Variants in MARCHF2 observed in about 807,000 individuals in gnomAD.
MARCHF2 encodes E3 ubiquitin-protein ligase MARCHF2.
A neutral mutation model predicts 24.0 loss-of-function variants in MARCHF2; 22 were observed. That is an observed-to-expected ratio of 0.92 (90% CI 0.66 to 1.31). MARCHF2 has a LOEUF of 1.31. Among genes scored for constraint, MARCHF2 ranks in the 50% most tolerant of loss-of-function variants. The pLI is 0.00. For missense variants in MARCHF2, 301 were observed against 335.3 expected (o/e 0.90, Z 0.80); for synonymous variants, 154 against 153.0 (o/e 1.01, Z -0.05).
intron 1 of MARCHF2, among the ~76,000 whole-genome samples, chr19:8,419,125 C>A (rs113399050): frequency 0.24 from 36,387 of 151,792 alleles, 5,077 homozygotes; most frequent in Non-Finnish European, 0.31. Context: ...CTTTGGGAGT[C>A]CGAGGCAGAT....
Position 8,438,561 on chromosome 19 carries a change from G to A in MARCHF2, c.*15G>A, listed in dbSNP as rs773136104. The stretch of plus-strand genomic sequence containing the variant: ...CACCAGTATGAATGCTGGGCTCTCC[G>A]GACCCTGCAGCAGAGAGGCCAGAGG... On this transcript the variant is annotated 3_prime_UTR_variant, in exon 5 of 5. Transcript: ENST00000215555. 45 of 1,612,776 alleles carry A rather than the reference G, an allele frequency of 2.8e-5. No homozygotes were observed. The highest frequency in any genetic ancestry group is 3.4e-5 in the Non-Finnish European group (40 of 1,179,430).
At chr19:8,426,948 T>C in intron 3 of MARCHF2, 144 bp downstream of exon 3, 1 of 684,586 alleles carries the variant, frequency 1.5e-6, no homozygotes, top group South Asian at 1.9e-5. Flanking sequence ...GGTCTGCTGA[T>C]GGTGTGTCAG....
intron 4 of MARCHF2, among the ~76,000 whole-genome samples, chr19:8,433,228 ATAATAT>A (rs1454549566): frequency 6.6e-6 from 1 of 150,904 alleles, no homozygotes; most frequent in Admixed American, 6.7e-5. Flanking sequence ...GAAGAAAATA[ATAATAT>A]TAATAAAAGA....
intron 3 of MARCHF2, among the ~76,000 whole-genome samples, chr19:8,427,204 T>C (rs964832482): frequency 1.3e-5 from 2 of 152,024 alleles, no homozygotes; most frequent in East Asian, 1.9e-4. Context: ...TGCGCCACCA[T>C]GCCCAGCTAA....
intron 1 of MARCHF2, among the ~76,000 whole-genome samples, chr19:8,419,544 C>T (rs1399689877): frequency 1.3e-5 from 2 of 149,396 alleles, no homozygotes; most frequent in Non-Finnish European, 3.0e-5. Flanking sequence ...TGGCCGGGCG[C>T]GGTGGCTCAC....
intron 4 of MARCHF2, among the ~76,000 whole-genome samples, chr19:8,434,713 T>TA (rs544229525): frequency 5.3e-4 from 80 of 152,068 alleles, no homozygotes; most frequent in Non-Finnish European, 9.1e-4. Flanking sequence ...TTTATTTATT[T>TA]ATTTATTTAT....
chr19:8,415,739 AAAAAC>A lies in MARCHF2; in HGVS notation c.-53+2324_-53+2328del, dbSNP rs1568233677. Among the ~76,000 whole-genome samples, 46 of 96,812 alleles carry A rather than the reference AAAAAC, an allele frequency of 4.8e-4. 3 individuals carry two copies. Among genetic ancestry groups the A allele is most frequent in the South Asian group, 6.7e-4 (2 of 3,000 alleles). 63.5% of individuals were successfully genotyped at this position (96,812 alleles called of 152,430 possible). ...TCCATCTCAAAAAAAAAAAAACAAAAAAAACAAAAAAAAAAACCAGACAAAAGAAA... is the reference window on the plus strand; with the variant it reads ...TCCATCTCAAAAAAAAAAAAACAAAAAAAAAAAAAAACCAGACAAAAGAAA... On this transcript the variant is annotated intron_variant, in intron 1 of 4. Transcript: ENST00000215555.
chr19:8,423,060 T>G (rs1038549937), intron 2 of MARCHF2, among the ~76,000 whole-genome samples: 2 of 87,628 alleles, frequency 2.3e-5, no homozygotes, highest in Admixed American at 1.3e-4. Flanking sequence ...TGTTTTTTTG[T>G]TTTGTTTTGT....
At chr19:8,418,381 CT>C (rs1296100792) in intron 1 of MARCHF2, 1 of 152,308 alleles carries the variant, frequency 6.6e-6, no homozygotes, top group African/African-American at 2.4e-5. Flanking sequence ...GCCAGGAAGG[CT>C]GCTGGCTGAG....
intron 1 of MARCHF2, among the ~76,000 whole-genome samples, chr19:8,420,076 T>C (rs1356569060): frequency 6.7e-6 from 1 of 150,230 alleles, no homozygotes; most frequent in African/African-American, 2.4e-5. Flanking sequence ...GAGAATGGTG[T>C]GAACCCAGGA....
intron 4 of MARCHF2, 60 bp from the exon 5 acceptor site, chr19:8,438,328 G>A: frequency 1.3e-6 from 2 of 1,584,220 alleles, no homozygotes; most frequent in South Asian, 2.2e-5. Context: ...TGCCACCACG[G>A]CGACTTGTTT....
In MARCHF2 at chr19:8,421,804, G is replaced by GGC. The variant is rs1568236242; in HGVS notation, c.-36_-35dup. ...CTGTTCCCAGGCTCCTGGAACCATG[G>GGC]GCCTCAGGCCCTGAGGATACGGGGC... On this transcript the variant is annotated 5_prime_UTR_variant, in exon 2 of 5. The change abolishes the stop of an existing upstream ORF in the 5' untranslated region. Coordinates refer to ENST00000215555, the MANE Select transcript of MARCHF2 (RefSeq NM_001005415.2). 1 of 1,552,844 alleles carries GGC rather than the reference G, an allele frequency of 6.4e-7. No individual in the cohort carries two copies. The highest frequency in any genetic ancestry group is 1.2e-5 in the South Asian group (1 of 83,478).
chr19:8,434,657 A>T (rs1967666464), intron 4 of MARCHF2, among the ~76,000 whole-genome samples: 1 of 151,894 alleles, frequency 6.6e-6, no homozygotes, highest in Non-Finnish European at 1.5e-5. Context: ...GTCCATGCAA[A>T]TGTTTCTTGG....
At chr19:8,424,640 C>G (rs1967347764) in intron 2 of MARCHF2, among the ~76,000 whole-genome samples, 1 of 151,718 alleles carries the variant, frequency 6.6e-6, no homozygotes, top group Non-Finnish European at 1.5e-5. Flanking sequence ...GCACTCCAGC[C>G]TGGGTGACAG....
rs1599714027 is a variant in MARCHF2 at position 8,430,995 on chromosome 19, A to G, written c.582+128A>G. On this transcript the variant is annotated intron_variant, in intron 4 of 4. Transcript: ENST00000215555. The surrounding 1 kb of genome is among the most constrained non-coding windows in gnomAD (Gnocchi z 4.4). Reference sequence around the variant, plus strand: ...TGCCTCTGTCTATGGCCGTGGGTGGAAGAGAGCTTCTGAGGTCACCCTGCC... The same window carrying G: ...TGCCTCTGTCTATGGCCGTGGGTGGGAGAGAGCTTCTGAGGTCACCCTGCC... The G allele has an allele frequency of 1.1e-6, 1 of 921,876 alleles. No homozygotes were observed. Among genetic ancestry groups the G allele is most frequent in the Non-Finnish European group, 1.6e-6 (1 of 622,614 alleles). 57.1% of individuals were successfully genotyped at this position (921,876 alleles called of 1,614,324 possible).
rs372510285 is a variant in MARCHF2 at position 8,438,488 on chromosome 19, A to G, written c.683A>G (p.Gln228Arg). 3.7e-6 allele frequency: 6 copies of G among 1,614,000 alleles called. No homozygotes were observed. The African/African-American group carries it at 5.3e-5, about 14-fold the overall frequency. ...IREADSPEGP[Q>R]HSPLAAGLLK... is the part of the protein sequence containing the mutation. ...GAGGCGGACAGCCCCGAGGGCCCCC[A>G]GCATTCTCCACTGGCAGCTGGACTC... Residue 228 changes from glutamine (Q) to arginine (R), a missense_variant, in exon 5 of 5, where the codon CAG (glutamine) becomes CGG (arginine). By Grantham distance (43) the Gln-to-Arg change is conservative. Transcript: ENST00000215555.
At chr19:8,426,313 A>G (rs1214963698) in intron 2 of MARCHF2, among the ~76,000 whole-genome samples, 1 of 146,034 alleles carries the variant, frequency 6.8e-6, no homozygotes, top group African/African-American at 2.5e-5. Flanking sequence ...GGAAATTTGG[A>G]GAGGACATGG....
At chr19:8,429,072 C>T (rs1043558640) in intron 3 of MARCHF2, among the ~76,000 whole-genome samples, 1 of 152,136 alleles carries the variant, frequency 6.6e-6, no homozygotes, top group Non-Finnish European at 1.5e-5. Context: ...TACAGCCACA[C>T]AGCCCCCTCC....
intron 1 of MARCHF2, among the ~76,000 whole-genome samples, chr19:8,417,275 C>T (rs1336202857): frequency 1.3e-5 from 2 of 152,084 alleles, no homozygotes; most frequent in Non-Finnish European, 2.9e-5. Flanking sequence ...GAAACCCTGT[C>T]TCTACTAAAA....
Sources: allele counts gnomAD v4.1 joint callset (sites outside exome capture counted in the v4.1 genomes callset), GRCh38; gene constraint gnomAD v4.1.1; non-coding constraint Gnocchi (gnomAD v3.1); transcripts MANE v1.5; gene names NCBI Gene and HGNC (gene_info 2026-07-23, HGNC 2026-07-21).